Variants in PLEKHM3 observed in about 807,000 individuals in gnomAD.
PLEKHM3 encodes the protein pleckstrin homology domain containing M3.
PLEKHM3 carries 45 observed loss-of-function variants against 81.8 expected under a neutral mutation model. That is an observed-to-expected ratio of 0.55 (90% CI 0.43 to 0.71). The LOEUF is 0.71. PLEKHM3 is among the 30% of genes least tolerant of loss of function. PLEKHM3 has a pLI of 0.00. For missense variants in PLEKHM3, 788 were observed against 924.3 expected, an observed-to-expected ratio of 0.85 and a Z score of 1.91; for synonymous variants, 352 against 356.4, an observed-to-expected ratio of 0.99 and a Z score of 0.14.
intron 2 of PLEKHM3, among the ~76,000 whole-genome samples, chr2:207,995,310 C>T (rs1692035438): frequency 6.6e-6 from 1 of 152,214 alleles, no homozygotes; most frequent in African/African-American, 2.4e-5. Flanking sequence ...ACAAGGCACA[C>T]ATAAATCTTT....
intron 6 of PLEKHM3, among the ~76,000 whole-genome samples, chr2:207,866,367 G>C (rs2092501161): frequency 1.3e-5 from 2 of 152,266 alleles, no homozygotes; most frequent in South Asian, 4.1e-4. Context: ...ATGTTGGCCA[G>C]GCTGGTCTCA....
chr2:207,987,119 T>C (rs1691751414), intron 2 of PLEKHM3, among the ~76,000 whole-genome samples: 1 of 152,234 alleles, frequency 6.6e-6, no homozygotes, highest in Non-Finnish European at 1.5e-5. Context: ...TCTTGTCTTT[T>C]AGGCCCCATT....
At chr2:207,910,683 T>C (rs1688783148) in intron 5 of PLEKHM3, among the ~76,000 whole-genome samples, 1 of 152,108 alleles carries the variant, frequency 6.6e-6, no homozygotes. Flanking sequence ...CTCTTCTGGA[T>C]GGATGTTTAT....
chr2:207,979,136 G>A (rs1474454770), intron 2 of PLEKHM3, among the ~76,000 whole-genome samples: 1 of 152,080 alleles, frequency 6.6e-6, no homozygotes, highest in Non-Finnish European at 1.5e-5. Context: ...TGTTTTACAA[G>A]TCATGCCATC....
At chr2:207,997,001 T>C (rs1018068231) in intron 2 of PLEKHM3, among the ~76,000 whole-genome samples, 1 of 107,718 alleles carries the variant, frequency 9.3e-6, no homozygotes, top group Non-Finnish European at 2.1e-5. Context: ...CCTCATACTT[T>C]ATGTCCAAAA....
intron 7 of PLEKHM3, 35 bp downstream of exon 7, chr2:207,861,070 T>C: frequency 6.2e-7 from 1 of 1,605,786 alleles, no homozygotes; most frequent in Non-Finnish European, 8.5e-7. Flanking sequence ...TATTACACAT[T>C]TGGGTGTTCT....
chr2:207,974,038 C>A (rs1266140407), intron 3 of PLEKHM3, among the ~76,000 whole-genome samples: 1 of 152,148 alleles, frequency 6.6e-6, no homozygotes, highest in Non-Finnish European at 1.5e-5. Context: ...TTTTAGACTG[C>A]CTTCCTCCCC....
At chr2:207,831,989 A>G (rs1221295787) in intron 7 of PLEKHM3, among the ~76,000 whole-genome samples, 2 of 152,216 alleles carry the variant, frequency 1.3e-5, no homozygotes, top group Non-Finnish European at 1.5e-5. Context: ...TAAGGAGGAA[A>G]AACCCTGGGT....
chr2:207,900,960 C>A, intron 6 of PLEKHM3: 1 of 363,818 alleles, frequency 2.7e-6, no homozygotes, highest in Non-Finnish European at 4.9e-6. Context: ...CCAACAACAA[C>A]AACAGCACTC....
At chr2:207,945,507 C>A (rs1559249725) in intron 4 of PLEKHM3, among the ~76,000 whole-genome samples, 3 of 152,214 alleles carry the variant, frequency 2.0e-5, no homozygotes, top group African/African-American at 7.2e-5. Context: ...GGCCCCTAGT[C>A]AGAAGTCTTC....
At chr2:207,889,885 CCT>C (rs1427254125) in intron 6 of PLEKHM3, among the ~76,000 whole-genome samples, 1 of 152,152 alleles carries the variant, frequency 6.6e-6, no homozygotes, top group African/African-American at 2.4e-5. Context: ...CTCACCGCAA[CCT>C]CTGTCTCCCG....
At chr2:207,886,128 G>C (rs1687878051) in intron 6 of PLEKHM3, among the ~76,000 whole-genome samples, 1 of 152,038 alleles carries the variant, frequency 6.6e-6, no homozygotes, top group African/African-American at 2.4e-5. Context: ...AAAAAAAGGG[G>C]ATTTTAACAC....
chr2:207,997,638 C>A (rs1692164826), intron 2 of PLEKHM3, among the ~76,000 whole-genome samples: 1 of 152,164 alleles, frequency 6.6e-6, no homozygotes, highest in Non-Finnish European at 1.5e-5. Flanking sequence ...TCTCATTAAC[C>A]CTTGTTAACT....
At chr2:207,948,548 T>G (rs1574433832) in intron 3 of PLEKHM3, among the ~76,000 whole-genome samples, 4 of 22,150 alleles carry the variant, frequency 1.8e-4, no homozygotes, top group African/African-American at 9.1e-4. Flanking sequence ...TTTTTTTTGT[T>G]TTTTTTTTTT....
intron 6 of PLEKHM3, among the ~76,000 whole-genome samples, chr2:207,897,367 C>T (rs916608806): frequency 6.6e-6 from 1 of 152,176 alleles, no homozygotes; most frequent in Non-Finnish European, 1.5e-5. Flanking sequence ...AGGTCCACAC[C>T]TCACAGCAAC....
intron 7 of PLEKHM3, among the ~76,000 whole-genome samples, chr2:207,831,449 C>T (rs1356361975): frequency 6.6e-6 from 1 of 152,186 alleles, no homozygotes; most frequent in African/African-American, 2.4e-5. Flanking sequence ...CCAATCAGAA[C>T]ACCTGTGTCA....
At chr2:207,987,221 T>C (rs1691757840) in intron 2 of PLEKHM3, among the ~76,000 whole-genome samples, 1 of 152,172 alleles carries the variant, frequency 6.6e-6, no homozygotes, top group African/African-American at 2.4e-5. Context: ...GCCTAGAGCA[T>C]GAGAGAATGT....
intron 2 of PLEKHM3, 36 bp from the exon 3 acceptor site, chr2:207,977,622 A>G: frequency 6.5e-7 from 1 of 1,534,984 alleles, no homozygotes; most frequent in South Asian, 1.3e-5. Context: ...ATTGATTAGA[A>G]TTAGTTATAA....
chr2:207,986,035 T>C (rs1285002126), intron 2 of PLEKHM3, among the ~76,000 whole-genome samples: 2 of 150,556 alleles, frequency 1.3e-5, no homozygotes, highest in South Asian at 2.1e-4. Context: ...ATAAATGAAA[T>C]GTTTAGGTAA....
Sources: allele counts gnomAD v4.1 joint callset (sites outside exome capture counted in the v4.1 genomes callset), GRCh38; gene constraint gnomAD v4.1.1; transcripts MANE v1.5; gene names NCBI Gene and HGNC (gene_info 2026-07-23, HGNC 2026-07-21).